Variants in ESCO2 observed in about 807,000 individuals in gnomAD.
ESCO2 encodes N-acetyltransferase ESCO2.
Under a neutral mutation model 61.7 loss-of-function variants are expected in ESCO2, and 51 were observed. The observed-to-expected ratio is 0.83, with a 90% CI of 0.66 to 1.04. The LOEUF is 1.04. Among genes scored for constraint, ESCO2 ranks in the 50% least tolerant of loss-of-function variants. The pLI, the probability that ESCO2 is intolerant of heterozygous loss-of-function variation, is 0.00. For synonymous variants in ESCO2, 230 were observed against 238.2 expected (o/e 0.97, Z 0.32); for missense variants, 692 against 686.2 (o/e 1.01, Z -0.09).
intron 4 of ESCO2, 26 bp downstream of exon 4, chr8:27,780,293 G>A (rs1166187906): frequency 2.9e-6 from 4 of 1,391,982 alleles, no homozygotes; most frequent in African/African-American, 2.8e-5. Flanking sequence ...CATGAATTTA[G>A]CTGCTTAAAA....
At chr8:27,808,160 T>C (rs189734427), downstream of ESCO2, 5 of 1,022,510 alleles carry the variant, frequency 4.9e-6, no homozygotes, top group East Asian at 2.8e-4. Context: ...TTGTCTAGTT[T>C]AAAATCCTTT....
At chr8:27,785,479 A>G (rs903947460) in intron 5 of ESCO2, among the ~76,000 whole-genome samples, 19 of 152,162 alleles carry the variant, frequency 1.2e-4, no homozygotes, top group African/African-American at 4.3e-4. Flanking sequence ...AGGTGGGTGG[A>G]TCACCTGAGG....
chr8:27,807,148 G>C (rs1805579897), downstream of ESCO2, among the ~76,000 whole-genome samples: 1 of 152,104 alleles, frequency 6.6e-6, no homozygotes, highest in Non-Finnish European at 1.5e-5. Context: ...CTAGTACAGT[G>C]TTGAATAAAA....
intron 5 of ESCO2, among the ~76,000 whole-genome samples, chr8:27,784,697 G>C: frequency 6.6e-6 from 1 of 152,178 alleles, no homozygotes; most frequent in Admixed American, 6.5e-5. Flanking sequence ...AGGCATGGAT[G>C]GGTAGAGAGC....
At chr8:27,783,274 G>C (rs1250521353) in intron 4 of ESCO2, among the ~76,000 whole-genome samples, 4 of 151,990 alleles carry the variant, frequency 2.6e-5, no homozygotes, top group Non-Finnish European at 5.9e-5. Flanking sequence ...ATACATTTAA[G>C]GTTCATCCAT....
chr8:27,817,896 C>T, the ESCO2 span, among the ~76,000 whole-genome samples: 4 of 152,298 alleles, frequency 2.6e-5, no homozygotes, highest in East Asian at 7.7e-4. Flanking sequence ...TCTCCTAAAT[C>T]TGCATTGTCC....
upstream of ESCO2, among the ~76,000 whole-genome samples, chr8:27,773,264 A>C (rs1585386574): frequency 6.6e-6 from 1 of 152,068 alleles, no homozygotes; most frequent in Non-Finnish European, 1.5e-5. Flanking sequence ...CTAACCTAAC[A>C]CTGCCACACA....
Position 27,777,073 on chromosome 8 carries a change from T to G in ESCO2, c.765T>G (p.Phe255Leu), listed in dbSNP as rs780741900. The G allele has an allele frequency of 1.2e-5, 19 of 1,605,480 alleles. No homozygotes were observed. The highest frequency in any genetic ancestry group is 1.7e-6 in the Non-Finnish European group (2 of 1,178,168). ...DVETVSEKKT[F>L]ATRQVPKCLV... ...AGACTGTCAGTGAAAAAAAAACTTT[T>G]GCGACAAGGCAAGTGCCAAAGTGCT... is the stretch of plus-strand genomic sequence containing the variant. Residue 255 changes from phenylalanine to leucine, a missense_variant, in exon 3 of 11, where the codon TTT (phenylalanine) becomes TTG (leucine). Coordinates refer to ENST00000305188, the MANE Select transcript of ESCO2 (RefSeq NM_001017420.3).
rs569739371 is a variant in ESCO2 at position 27,794,959 on chromosome 8, T to A, written c.1497+2148T>A. Among the ~76,000 whole-genome samples the A allele has an allele frequency of 2.6e-5, 4 of 152,326 alleles. No homozygotes were observed. The South Asian group carries it at 8.3e-4, about 32-fold the overall frequency. On this transcript the variant is annotated intron_variant, in intron 9 of 10. Transcript: ENST00000305188. ...TTTTTTAATGCCAGTAGGAGTGCAG[T>A]GCCCCTCAGCTTTACTCTTTGGTCT...
rs80359851 is a variant in ESCO2 at position 27,777,051 on chromosome 8, CTG to C, written c.745_746del (p.Val249GlnfsTer2). 3 of 1,608,366 alleles carry C rather than the reference CTG, an allele frequency of 1.9e-6. No homozygotes were observed. Among genetic ancestry groups the C allele is most frequent in the Admixed American group, 3.4e-5 (2 of 58,670 alleles). ...GTCATTGAAGATTCTGATGTAGAGA[CTG>C]TCAGTGAAAAAAAAACTTTTGCGAC... is the stretch of plus-strand genomic sequence containing the variant. On this transcript the variant is annotated frameshift_variant, in exon 3 of 11. Coordinates refer to ENST00000305188, the MANE Select transcript of ESCO2 (RefSeq NM_001017420.3). LOFTEE classifies it high-confidence loss of function.
At chr8:27,810,237 T>C (rs1370953658), downstream of ESCO2, 9 of 1,058,010 alleles carry the variant, frequency 8.5e-6, no homozygotes, top group Non-Finnish European at 7.3e-6. Flanking sequence ...TAACTACTGA[T>C]AGTAACTATG....
At chr8:27,807,921 A>G (rs1805594632), downstream of ESCO2, among the ~76,000 whole-genome samples, 1 of 152,152 alleles carries the variant, frequency 6.6e-6, no homozygotes, top group African/African-American at 2.4e-5. Flanking sequence ...TCTGTCCACC[A>G]TGTAAAGACA....
chr8:27,779,800 A>T (rs1390030756), intron 3 of ESCO2: 1 of 215,378 alleles, frequency 4.6e-6, no homozygotes, highest in Admixed American at 5.3e-5. Context: ...CCTCCCGAGT[A>T]GCTGGGACTG....
At chr8:27,778,170 A>G (rs1804841960) in intron 3 of ESCO2, 1 of 152,222 alleles carries the variant, frequency 6.6e-6, no homozygotes, top group South Asian at 2.1e-4. Context: ...AGAGCTGAAT[A>G]TCAGGCTGAG....
chr8:27,811,005 G>A, downstream of ESCO2: 1 of 1,611,832 alleles, frequency 6.2e-7, no homozygotes, highest in Non-Finnish European at 8.5e-7. Flanking sequence ...AATCGATAAA[G>A]TCATCATTTC....
In ESCO2 at chr8:27,777,059, G is replaced by GAA; in HGVS notation, c.759_760dup (p.Thr254LysfsTer14). The GAA allele has an allele frequency of 1.3e-6, 2 of 1,598,884 alleles. No individual in the cohort carries two copies. Among genetic ancestry groups the GAA allele is most frequent in the Admixed American group, 1.8e-5 (1 of 57,130 alleles). On this transcript the variant is annotated frameshift_variant, in exon 3 of 11. Coordinates refer to ENST00000305188, the MANE Select transcript of ESCO2 (RefSeq NM_001017420.3). LOFTEE classifies it high-confidence loss of function. ...AGATTCTGATGTAGAGACTGTCAGT[G>GAA]AAAAAAAAACTTTTGCGACAAGGCA...
At position 27,776,532 on chromosome 8, in the gene ESCO2, C is replaced by T. The variant is rs2128951065; in HGVS notation, c.224C>T (p.Ser75Leu). The stretch of plus-strand genomic sequence containing the variant: ...AGACTGCCATCAGCAAATCAAGGCT[C>T]ACCATTTAAATCTGCGCTCTCCACT... ...INRLPSANQG[S>L]PFKSALSTVS... Residue 75 changes from serine to leucine, a missense_variant, in exon 3 of 11, where the codon TCA (serine) becomes TTA (leucine). Ser to Leu is a moderately radical substitution (Grantham distance 145). Coordinates refer to ENST00000305188, the MANE Select transcript of ESCO2 (RefSeq NM_001017420.3). The T allele has an allele frequency of 3.7e-6, 6 of 1,614,092 alleles. No homozygotes were observed. The highest frequency in any genetic ancestry group is 4.2e-6 in the Non-Finnish European group (5 of 1,180,016).
At chr8:27,816,343 C>CATATATATATATATATATATA (rs1554559819), downstream of ESCO2, among the ~76,000 whole-genome samples, 1 of 136,362 alleles carries the variant, frequency 7.3e-6, no homozygotes, top group African/African-American at 2.9e-5. Flanking sequence ...TCATCGAATA[C>CATATATATATATATATATATA]TATATATATA....
chr8:27,789,975 C>G (rs1173089110), intron 7 of ESCO2, among the ~76,000 whole-genome samples: 1 of 152,192 alleles, frequency 6.6e-6, no homozygotes. Flanking sequence ...CCTCTCTGAT[C>G]TGATCTCTAC....
Sources: gnomAD v4.1 joint callset for allele counts (sites outside exome capture counted in the v4.1 genomes callset) on GRCh38, gnomAD v4.1.1 for gene constraint, MANE v1.5 for transcripts, NCBI Gene and HGNC (gene_info 2026-07-23, HGNC 2026-07-21) for gene names.